Variants in SLC43A2 observed in about 807,000 individuals in gnomAD.
SLC43A2 encodes solute carrier family 43 member 2, also known as large neutral amino acids transporter small subunit 4.
SLC43A2 carries 38 observed loss-of-function variants against 63.2 expected under a neutral mutation model. That is an observed-to-expected ratio of 0.60 (90% confidence interval 0.46 to 0.79). SLC43A2 has a LOEUF of 0.79. Among genes scored for constraint, SLC43A2 ranks in the 30% least tolerant of loss-of-function variants. SLC43A2 has a pLI of 0.00. For synonymous variants in SLC43A2, 322 were observed against 331.0 expected, an observed-to-expected ratio of 0.97 and a Z score of 0.30; for missense variants, 644 against 756.2, an observed-to-expected ratio of 0.85 and a Z score of 1.74.
At chr17:1,619,881 G>C (rs903343605) in intron 2 of SLC43A2, among the ~76,000 whole-genome samples, 1 of 152,212 alleles carries the variant, frequency 6.6e-6, no homozygotes, top group Non-Finnish European at 1.5e-5. Context: ...CACAGGGGCC[G>C]TGGAATAACT....
At chr17:1,582,608 G>A (rs368815246) in intron 11 of SLC43A2, among the ~76,000 whole-genome samples, 10 of 152,304 alleles carry the variant, frequency 6.6e-5, no homozygotes, top group South Asian at 2.1e-4. Flanking sequence ...TGGTATCCAC[G>A]GTTATGCAAG....
In SLC43A2 at chr17:1,569,511, CT is replaced by C. The variant is rs2075816367; in HGVS notation, c.*6092del. Reference sequence around the variant, plus strand: ...AGCGAGGTAAGACGCTTCCCCTCTCCTCCATTCAGAGAGCGGCACACAAGAA... The same window carrying C: ...AGCGAGGTAAGACGCTTCCCCTCTCCCCATTCAGAGAGCGGCACACAAGAA... On this transcript the variant is annotated 3_prime_UTR_variant, in exon 14 of 14. Coordinates refer to ENST00000301335, the MANE Select transcript of SLC43A2 (RefSeq NM_152346.3). 6.6e-6 allele frequency: 1 copy of C among 150,644 alleles called. No individual in the cohort carries two copies. The highest frequency in any genetic ancestry group is 1.5e-5 in the Non-Finnish European group (1 of 67,484). 9.3% of individuals were successfully genotyped at this position (150,644 alleles called of 1,614,324 possible). A position where few individuals can be genotyped will look rare whatever the true frequency, so the allele number is the denominator to read the frequency against.
chr17:1,621,823 C>G (rs1304137154), intron 2 of SLC43A2, among the ~76,000 whole-genome samples: 2 of 152,254 alleles, frequency 1.3e-5, no homozygotes, highest in African/African-American at 4.8e-5. Flanking sequence ...GCTCTTACCA[C>G]TCGGTCTGTG....
At position 1,573,436 on chromosome 17, in the gene SLC43A2, C is replaced by T. The variant is rs2075876230; in HGVS notation, c.*2168G>A. ...GTTCCTCGGCAGCACAGCACACCCG[C>T]TCCTGAGGAGCCACGGAGCTCATGA... On this transcript the variant is annotated 3_prime_UTR_variant, in exon 14 of 14. Coordinates refer to ENST00000301335, the MANE Select transcript of SLC43A2 (RefSeq NM_152346.3). 6.6e-6 allele frequency: 1 copy of T among 152,262 alleles called. No individual in the cohort carries two copies. Among genetic ancestry groups the T allele is most frequent in the Non-Finnish European group, 1.5e-5 (1 of 68,070 alleles). The allele number at this position is 152,262 out of a possible 1,614,324, so 9.4% of individuals were successfully genotyped here. A position where few individuals can be genotyped will look rare whatever the true frequency, so the allele number is the denominator to read the frequency against.
intron 9 of SLC43A2, among the ~76,000 whole-genome samples, chr17:1,589,766 C>A (rs1282988415): frequency 6.6e-6 from 1 of 152,056 alleles, no homozygotes; most frequent in Non-Finnish European, 1.5e-5. Flanking sequence ...TTACAGGGGC[C>A]CACCACCACG....
chr17:1,613,236 T>G lies in SLC43A2; in HGVS notation c.460A>C (p.Asn154His). The G allele has an allele frequency of 6.2e-7, 1 of 1,614,062 alleles. No homozygotes were observed. Among genetic ancestry groups the G allele is most frequent in the South Asian group, 1.1e-5 (1 of 91,082 alleles). ...GTCATACACATCCCACCAAAGCCAT[T>G]CAGAGCCAGGGCGATGAAGATGAGC... Reference protein sequence around the residue: ...SVLIFIALALNGFGGMCMTFT... With the variant: ...SVLIFIALALHGFGGMCMTFT... Residue 154 changes from asparagine to histidine, a missense_variant, in exon 5 of 14, where the codon AAT becomes CAT. Physicochemically the swap from Asn to His is moderately conservative, Grantham distance 68. Around this residue, in one of 3 missense-constraint regions of SLC43A2, gnomAD observed 528 missense variants for 623.6 expected, o/e 0.85. Coordinates refer to ENST00000301335, the MANE Select transcript of SLC43A2 (RefSeq NM_152346.3).
In SLC43A2 at chr17:1,569,351, A is replaced by G. The variant is rs2075814015; in HGVS notation, c.*6253T>C. On this transcript the variant is annotated 3_prime_UTR_variant, in exon 14 of 14. Transcript: ENST00000301335. ...TAGAAACGGCAAAGGAGCAGGGAAG[A>G]GGCGGGTCAGCCGCTGGGTTGACCC... The G allele has an allele frequency of 6.6e-6, 1 of 152,388 alleles. No individual in the cohort carries two copies. The highest frequency in any genetic ancestry group is 2.1e-4 in the South Asian group (1 of 4,832). 9.4% of individuals were successfully genotyped at this position (152,388 alleles called of 1,614,324 possible).
chr17:1,627,649 C>T (rs1234130299), intron 2 of SLC43A2, 66 bp downstream of exon 2: 2 of 668,030 alleles, frequency 3.0e-6, no homozygotes, highest in Non-Finnish European at 4.7e-6. Context: ...GGTCTTCGCC[C>T]CCATCCCGCC....
chr17:1,614,851 G>A, intron 4 of SLC43A2, 128 bp downstream of exon 4: 2 of 884,616 alleles, frequency 2.3e-6, no homozygotes, highest in East Asian at 2.7e-5. Flanking sequence ...AGGCGTAACA[G>A]GTGTCCCCTC....
At chr17:1,628,526 G>C (rs1469074009) in intron 1 of SLC43A2, among the ~76,000 whole-genome samples, 3 of 152,042 alleles carry the variant, frequency 2.0e-5, no homozygotes, top group African/African-American at 4.8e-5. Context: ...CCCAGCGTGG[G>C]AGACGAGGAG....
chr17:1,603,581 C>T (rs12943313), intron 5 of SLC43A2, among the ~76,000 whole-genome samples: 28,072 of 151,910 alleles, frequency 0.18, 2,823 homozygotes, highest in Non-Finnish European at 0.23. Flanking sequence ...GTCAGGAGTT[C>T]GAGACCAGCC....
Position 1,570,532 on chromosome 17 carries a change from G to C in SLC43A2, c.*5072C>G, listed in dbSNP as rs893073332. The C allele has an allele frequency of 9.4e-5, 14 of 149,228 alleles. No homozygotes were observed. The highest frequency in any genetic ancestry group is 4.5e-5 in the Non-Finnish European group (3 of 67,330). 9.2% of individuals were successfully genotyped at this position (149,228 alleles called of 1,614,324 possible). A position where few individuals can be genotyped will look rare whatever the true frequency, so the allele number is the denominator to read the frequency against. On this transcript the variant is annotated 3_prime_UTR_variant, in exon 14 of 14. Transcript: ENST00000301335. ...GACGGAGTCTCGCTCTGTCGCCCAG[G>C]CTGGAGTGCAGTGGCGGGATCTCGG...
At chr17:1,610,927 G>A (rs1205031109) in intron 5 of SLC43A2, among the ~76,000 whole-genome samples, 5 of 149,464 alleles carry the variant, frequency 3.3e-5, no homozygotes, top group East Asian at 2.0e-4. Context: ...TGCAAACTCC[G>A]CCTCCCGGCC....
chr17:1,617,084 C>G (rs1421643676), intron 2 of SLC43A2, among the ~76,000 whole-genome samples: 1 of 152,218 alleles, frequency 6.6e-6, no homozygotes, highest in Non-Finnish European at 1.5e-5. Context: ...TGAAGAGCAA[C>G]GAAGCCCAGG....
intron 6 of SLC43A2, 149 bp from the exon 7 acceptor site, chr17:1,591,848 T>C (rs1904843522): frequency 4.6e-6 from 3 of 658,498 alleles, no homozygotes; most frequent in Non-Finnish European, 7.9e-6. Flanking sequence ...AGCCTGGGCG[T>C]TGGGGCATCA....
chr17:1,584,814 C>G (rs919377452), intron 10 of SLC43A2, among the ~76,000 whole-genome samples: 1 of 113,992 alleles, frequency 8.8e-6, no homozygotes, highest in African/African-American at 2.7e-5. Context: ...AGCGAGACTC[C>G]GTCTCAAAAA....
At chr17:1,600,100 CTTT>C (rs200335951) in intron 5 of SLC43A2, among the ~76,000 whole-genome samples, 1 of 88,966 alleles carries the variant, frequency 1.1e-5, no homozygotes, top group African/African-American at 4.3e-5. Flanking sequence ...GTTAATCTTT[CTTT>C]TTTTTTTTTA....
chr17:1,606,025 G>A lies in SLC43A2; in HGVS notation c.501+7170C>T, dbSNP rs76997747. ...CAAATTCTCCCCAAACCAATGGCAAGTAGCTGACTGCCTGAGCTTCCCCAA... is the reference window on the plus strand; with the variant it reads ...CAAATTCTCCCCAAACCAATGGCAAATAGCTGACTGCCTGAGCTTCCCCAA... On this transcript the variant is annotated intron_variant, in intron 5 of 13. Coordinates refer to ENST00000301335, the MANE Select transcript of SLC43A2 (RefSeq NM_152346.3). This position sits in a 1 kb window ranked among gnomAD's most constrained non-coding sequence, Gnocchi z 4.7. Among the ~76,000 whole-genome samples, 2,499 of 152,294 alleles carry A rather than the reference G, an allele frequency of 0.016. 27 individuals are homozygous for A. The highest frequency in any genetic ancestry group is 0.044 in the Middle Eastern group (13 of 294).
rs370813288 is a variant in SLC43A2 at position 1,610,637 on chromosome 17, G to A, written c.501+2558C>T. Among the ~76,000 whole-genome samples, 3 of 150,694 alleles carry A rather than the reference G, an allele frequency of 2.0e-5. No homozygotes were observed. The East Asian group carries it at 6.1e-4, about 31-fold the overall frequency. ...TCACACCTGGAATCCCAGCACTTTG[G>A]GAGGTCAAGGTGGGAGGATCTGTTG... On this transcript the variant is annotated intron_variant, in intron 5 of 13. Coordinates refer to ENST00000301335, the MANE Select transcript of SLC43A2 (RefSeq NM_152346.3).
Sources: allele counts gnomAD v4.1 joint callset (sites outside exome capture counted in the v4.1 genomes callset), GRCh38; gene constraint gnomAD v4.1.1; regional missense constraint gnomAD v4.1.1; non-coding constraint Gnocchi (gnomAD v3.1); transcripts MANE v1.5; gene names NCBI Gene and HGNC (gene_info 2026-07-23, HGNC 2026-07-21).